Variants in AP2A2 observed in about 807,000 individuals in gnomAD.
The protein encoded by AP2A2 is AP-2 complex subunit alpha-2.
A neutral mutation model predicts 104.2 loss-of-function variants in AP2A2; 32 were observed. The observed-to-expected ratio is 0.31, with a 90% CI of 0.23 to 0.41. AP2A2 has a LOEUF of 0.41. Among genes scored for constraint, AP2A2 ranks in the 10% least tolerant of loss-of-function variants. The probability of loss-of-function intolerance (pLI) is 1.00; values close to 1 mark genes in which losing one functional copy is unlikely to be tolerated. For missense variants in AP2A2, 912 were observed against 1,261.0 expected (o/e 0.72, Z 4.19); for synonymous variants, 539 against 533.3 (o/e 1.01, Z -0.15).
At chr11:959,859 A>C (rs1322455054) in intron 2 of AP2A2, among the ~76,000 whole-genome samples, 1 of 152,118 alleles carries the variant, frequency 6.6e-6, no homozygotes, top group African/African-American at 2.4e-5. Context: ...CTGACGGTCA[A>C]CAGGGACCTG....
At position 1,010,742 on chromosome 11, in the gene AP2A2, CCCGCCCCG is replaced by C. The variant is rs1402308073; in HGVS notation, c.*125_*132del. On this transcript the variant is annotated 3_prime_UTR_variant, in exon 22 of 22. Transcript: ENST00000448903. ...CCAGTGCCACAGCACAAGGCGCCTC[CCCGCCCCG>C]CCGCCCCACACCTCTCCCCTTTGGG... 6.0e-6 allele frequency: 5 copies of C among 830,042 alleles called. No individual in the cohort carries two copies. The highest frequency in any genetic ancestry group is 1.0e-5 in the Non-Finnish European group (5 of 497,136). The allele number at this position is 830,042 out of a possible 1,614,324, so 51.4% of individuals were successfully genotyped here. A position where few individuals can be genotyped will look rare whatever the true frequency, so the allele number is the denominator to read the frequency against.
intron 1 of AP2A2, among the ~76,000 whole-genome samples, chr11:935,828 T>TTA (rs1853440232): frequency 2.7e-5 from 4 of 150,204 alleles, no homozygotes; most frequent in Admixed American, 1.3e-4. Flanking sequence ...ACTCCCGACC[T>TTA]CGTGATCCAC....
At chr11:929,712 T>C (rs1349074277) in intron 1 of AP2A2, among the ~76,000 whole-genome samples, 1 of 149,730 alleles carries the variant, frequency 6.7e-6, no homozygotes, top group African/African-American at 2.5e-5. Context: ...GAGAGCATTG[T>C]CTGAGCCCTG....
At chr11:1,005,539 G>A (rs1366018689) in intron 16 of AP2A2, among the ~76,000 whole-genome samples, 8 of 152,208 alleles carry the variant, frequency 5.3e-5, no homozygotes, top group Non-Finnish European at 1.2e-4. Flanking sequence ...GCCTTTGAGT[G>A]TAAAAAAATG....
intron 14 of AP2A2, among the ~76,000 whole-genome samples, chr11:999,803 CTTT>C (rs71022992): frequency 7.2e-5 from 9 of 124,710 alleles, no homozygotes; most frequent in Admixed American, 8.7e-5. Flanking sequence ...TTAGTTCTTT[CTTT>C]TTTTTTTTTT....
rs866531685 is a variant in AP2A2, at chr11:988,703, G to C, written c.1269+14G>C. 6.2e-7 allele frequency: 1 copy of C among 1,613,048 alleles called. No homozygotes were observed. On this transcript the variant is annotated intron_variant, in intron 10 of 21. Transcript: ENST00000448903. The stretch of plus-strand genomic sequence containing the variant: ...CGAGAAGAGATTGTGAGTTCTGGTG[G>C]CCTCTGAGTCCTCTCCTGCCACAGG...
chr11:932,844 C>T (rs754408598), intron 1 of AP2A2: 36 of 427,168 alleles, frequency 8.4e-5, no homozygotes, highest in Non-Finnish European at 1.4e-4. Flanking sequence ...GTGCCAGATA[C>T]TTACTATTAC....
intron 18 of AP2A2, chr11:1,008,531 T>C (rs772876782): frequency 2.7e-5 from 6 of 224,426 alleles, no homozygotes; most frequent in Non-Finnish European, 5.3e-5. Flanking sequence ...TTTTGCTCAG[T>C]TGAGCTCAGA....
chr11:976,681 G>T (rs1437189751), intron 4 of AP2A2, among the ~76,000 whole-genome samples: 3 of 152,064 alleles, frequency 2.0e-5, no homozygotes, highest in African/African-American at 7.2e-5. Context: ...TCAGGGTGGG[G>T]CGTGGTGGGG....
intron 21 of AP2A2, 87 bp downstream of exon 21, chr11:1,009,904 G>T: frequency 6.9e-7 from 1 of 1,449,564 alleles, no homozygotes; most frequent in East Asian, 2.5e-5. Context: ...GCTCTTTAGT[G>T]CAGTTCAGTC....
chr11:1,005,828 T>C (rs1157993533), intron 16 of AP2A2, among the ~76,000 whole-genome samples: 1 of 152,206 alleles, frequency 6.6e-6, no homozygotes, highest in Non-Finnish European at 1.5e-5. Context: ...CACGAGGTGT[T>C]GGTTTTGGGT....
intron 1 of AP2A2, among the ~76,000 whole-genome samples, chr11:932,530 C>T (rs1564777937): frequency 6.6e-6 from 1 of 152,230 alleles, no homozygotes; most frequent in Non-Finnish European, 1.5e-5. Flanking sequence ...TCATTTTGTC[C>T]TTTTGACTGT....
At chr11:970,897 A>G (rs1032144682) in intron 3 of AP2A2, among the ~76,000 whole-genome samples, 10 of 152,346 alleles carry the variant, frequency 6.6e-5, no homozygotes, top group African/African-American at 2.4e-4. Context: ...GCTGGTGCAC[A>G]GTGTCCTGTC....
At chr11:975,156 C>G (rs1190429847) in intron 4 of AP2A2, among the ~76,000 whole-genome samples, 1 of 152,204 alleles carries the variant, frequency 6.6e-6, no homozygotes, top group African/African-American at 2.4e-5. Context: ...GGGGTGGTGT[C>G]TCTGCTGGGA....
At chr11:967,975 C>T (rs1356334113) in intron 2 of AP2A2, among the ~76,000 whole-genome samples, 1 of 152,138 alleles carries the variant, frequency 6.6e-6, no homozygotes, top group Non-Finnish European at 1.5e-5. Context: ...AAGACTGTAT[C>T]AGTCTGGGTC....
In AP2A2 at chr11:935,089, C is replaced by T. The variant is rs368346480; in HGVS notation, c.67+9001C>T. Among the ~76,000 whole-genome samples, 180 of 144,748 alleles carry T rather than the reference C, an allele frequency of 1.2e-3. 3 individuals are homozygous for T. The highest frequency in any genetic ancestry group is 4.5e-3 in the African/African-American group (172 of 38,532). The allele number at this position is 144,748 out of a possible 152,430, so 95.0% of individuals were successfully genotyped here. A position where few individuals can be genotyped will look rare whatever the true frequency, so the allele number is the denominator to read the frequency against. ...TTTTTTTTTGAGACTGAGTCTTCCT[C>T]TGTTGCCAGGCTAGAGTGCAGTGGT... On this transcript the variant is annotated intron_variant, in intron 1 of 21. Transcript: ENST00000448903.
chr11:944,774 TGCAGAG>T (rs1414664999), intron 1 of AP2A2, among the ~76,000 whole-genome samples: 1 of 150,214 alleles, frequency 6.7e-6, no homozygotes, highest in Non-Finnish European at 1.5e-5. Context: ...GAGTGGTAAG[TGCAGAG>T]GCCTTTGTCG....
intron 6 of AP2A2, among the ~76,000 whole-genome samples, chr11:983,618 T>C (rs60326325): frequency 0.032 from 4,907 of 152,052 alleles, 213 homozygotes; most frequent in African/African-American, 0.1. Flanking sequence ...CTCCTGACCT[T>C]GTGATCCGCC....
chr11:950,417 T>G (rs970318025), intron 1 of AP2A2, among the ~76,000 whole-genome samples: 1 of 151,890 alleles, frequency 6.6e-6, no homozygotes, highest in African/African-American at 2.4e-5. Flanking sequence ...CAAGAGATTC[T>G]TCTGCCTCAG....
Sources: gnomAD v4.1 joint callset for allele counts (sites outside exome capture counted in the v4.1 genomes callset) on GRCh38, gnomAD v4.1.1 for gene constraint, MANE v1.5 for transcripts, NCBI Gene and HGNC (gene_info 2026-07-23, HGNC 2026-07-21) for gene names.